PRKCH: variants seen among roughly 807,000 people sequenced by gnomAD.
PRKCH encodes protein kinase C eta.
A neutral mutation model predicts 82.5 loss-of-function variants in PRKCH; 28 were observed. The observed-to-expected ratio is 0.34, with a 90% CI of 0.25 to 0.47. The LOEUF (loss-of-function observed/expected upper bound fraction) is 0.47, where lower values mean the gene tolerates loss of function less well. Ranked by LOEUF, PRKCH falls within the 20% of genes least tolerant of loss-of-function variation. The pLI is 1.00. For synonymous variants in PRKCH, 322 were observed against 327.4 expected (o/e 0.98, Z 0.18); for missense variants, 705 against 881.8 (o/e 0.80, Z 2.54).
intron 2 of PRKCH, among the ~76,000 whole-genome samples, chr14:61,420,676 T>C (rs1882790425): frequency 6.6e-6 from 1 of 152,220 alleles, no homozygotes; most frequent in Admixed American, 6.5e-5. Flanking sequence ...AAAGATCGCA[T>C]GACCACTACA....
At chr14:61,538,736 A>G (rs774508621) in intron 12 of PRKCH, among the ~76,000 whole-genome samples, 40 of 152,238 alleles carry the variant, frequency 2.6e-4, no homozygotes, top group Admixed American at 3.9e-4. Flanking sequence ...TGTCAACAAA[A>G]GTATTTGACT....
intron 1 of PRKCH, among the ~76,000 whole-genome samples, chr14:61,341,258 G>T (rs1251258687): frequency 6.6e-6 from 1 of 152,118 alleles, no homozygotes; most frequent in African/African-American, 2.4e-5. Flanking sequence ...GGACAGACTA[G>T]GTTTTCTTGC....
intron 12 of PRKCH, among the ~76,000 whole-genome samples, chr14:61,538,845 A>T (rs2043145532): frequency 6.6e-6 from 1 of 152,262 alleles, no homozygotes; most frequent in African/African-American, 2.4e-5. Flanking sequence ...GATAATGCGC[A>T]TCCAGGATAA....
intron 1 of PRKCH, among the ~76,000 whole-genome samples, chr14:61,350,040 G>A (rs117909515): frequency 0.023 from 3,544 of 152,254 alleles, 71 homozygotes; most frequent in Non-Finnish European, 0.036. Flanking sequence ...TATGACAAGA[G>A]TATGTTTTAA....
chr14:61,326,618 C>A (rs1460510464), intron 1 of PRKCH, among the ~76,000 whole-genome samples: 14 of 152,206 alleles, frequency 9.2e-5, no homozygotes. Flanking sequence ...GGGAAAAAAA[C>A]CAATCAGCGC....
intron 4 of PRKCH, 55 bp downstream of exon 4, chr14:61,445,781 G>T (rs952786251): frequency 5.9e-6 from 9 of 1,519,094 alleles, no homozygotes; most frequent in Middle Eastern, 1.7e-4. Context: ...TAAAAGAAAT[G>T]ATTATACCAA....
intron 4 of PRKCH, 77 bp downstream of exon 4, chr14:61,445,803 G>A: frequency 1.4e-6 from 2 of 1,405,822 alleles, no homozygotes; most frequent in South Asian, 1.2e-5. Flanking sequence ...AGAAAACAGG[G>A]TATCTTCCCT....
intron 1 of PRKCH, among the ~76,000 whole-genome samples, chr14:61,288,840 G>A (rs1264842827): frequency 6.6e-6 from 1 of 152,242 alleles, no homozygotes; most frequent in East Asian, 1.9e-4. Flanking sequence ...GCAAGGAACG[G>A]AAACTTATTC....
At chr14:61,321,012 C>T (rs1234694404), upstream of PRKCH, among the ~76,000 whole-genome samples, 1 of 152,234 alleles carries the variant, frequency 6.6e-6, no homozygotes, top group African/African-American at 2.4e-5. The surrounding 1 kb of genome is among the most constrained non-coding windows in gnomAD (Gnocchi z 4.1). Flanking sequence ...AGGAGGCGAA[C>T]AGGATTTCCA....
At chr14:61,330,554 GA>G (rs2045771408) in intron 1 of PRKCH, among the ~76,000 whole-genome samples, 1 of 152,210 alleles carries the variant, frequency 6.6e-6, no homozygotes, top group Non-Finnish European at 1.5e-5. Context: ...CATAGATGTT[GA>G]AGCAGGATGA....
At chr14:61,395,203 G>A (rs1409739966) in intron 2 of PRKCH, among the ~76,000 whole-genome samples, 4 of 151,574 alleles carry the variant, frequency 2.6e-5, no homozygotes, top group Non-Finnish European at 2.9e-5. Context: ...GAGCTTGCAC[G>A]TTGCTGCTGC....
At chr14:61,467,309 C>T (rs779987553) in intron 9 of PRKCH, among the ~76,000 whole-genome samples, 36 of 152,206 alleles carry the variant, frequency 2.4e-4, no homozygotes, top group Non-Finnish European at 5.1e-4. Flanking sequence ...ACTTCTGGAC[C>T]TGTTGGCCAA....
chr14:61,445,670 G>A, intron 3 of PRKCH, 22 bp from the exon 4 acceptor site: 1 of 1,600,054 alleles, frequency 6.2e-7, no homozygotes, highest in Non-Finnish European at 8.6e-7. Flanking sequence ...TTGACTGATG[G>A]TAGTTTTCTT....
chr14:61,242,875 T>C (rs1271112962), intron 1 of PRKCH, among the ~76,000 whole-genome samples: 1 of 152,212 alleles, frequency 6.6e-6, no homozygotes, highest in Non-Finnish European at 1.5e-5. Flanking sequence ...GTCTAAATAA[T>C]TTAACAATTA....
At chr14:61,413,109 T>C (rs1882355160) in intron 2 of PRKCH, among the ~76,000 whole-genome samples, 1 of 152,192 alleles carries the variant, frequency 6.6e-6, no homozygotes, top group East Asian at 1.9e-4. Flanking sequence ...TTCCCCCCTT[T>C]GCAGCCAACT....
chr14:61,513,285 C>T lies in PRKCH; in HGVS notation c.1434-15790C>T, dbSNP rs17098648. ...TTCAGTTAGTACTTAATTGGCTACC[C>T]AGCCTTGTGCCAGGTACCTTGTTCT... On this transcript the variant is annotated intron_variant, in intron 10 of 13. Transcript: ENST00000332981. Among the ~76,000 whole-genome samples, 3,080 of 152,284 alleles carry T rather than the reference C, an allele frequency of 0.02. 190 individuals are homozygous for T. In the East Asian group the frequency reaches 0.26, roughly 13 times the overall value.
intron 9 of PRKCH, among the ~76,000 whole-genome samples, chr14:61,471,344 G>T (rs1169941996): frequency 1.3e-5 from 2 of 152,206 alleles, no homozygotes; most frequent in Non-Finnish European, 2.9e-5. Flanking sequence ...ACATTCAGTG[G>T]TAAGACTGGT....
At chr14:61,526,888 C>T (rs973139993) in intron 10 of PRKCH, among the ~76,000 whole-genome samples, 18 of 152,244 alleles carry the variant, frequency 1.2e-4, no homozygotes, top group African/African-American at 4.1e-4. Flanking sequence ...CTGCAGCCTC[C>T]TTGTCACTGA....
At chr14:61,294,359 A>T (rs541858846) in intron 1 of PRKCH, among the ~76,000 whole-genome samples, 2 of 152,170 alleles carry the variant, frequency 1.3e-5, no homozygotes, top group South Asian at 2.1e-4. Flanking sequence ...TGACCTCGTG[A>T]TCTGCCCGCC....
Sources: gnomAD v4.1 joint callset for allele counts (sites outside exome capture counted in the v4.1 genomes callset) on GRCh38, gnomAD v4.1.1 for gene constraint, Gnocchi (gnomAD v3.1) non-coding constraint, MANE v1.5 for transcripts, NCBI Gene and HGNC (gene_info 2026-07-23, HGNC 2026-07-21) for gene names.